The following GLI2 variants were observed in gnomAD, a reference collection of about 807,000 sequenced individuals.
GLI2 encodes the protein GLI family zinc finger 2.
GLI2 carries 22 observed loss-of-function variants against 78.9 expected under a neutral mutation model. The observed-to-expected ratio is 0.28, with a 90% CI of 0.20 to 0.40. GLI2 has a LOEUF of 0.40. GLI2 is among the 10% of genes least tolerant of loss of function. The pLI, the probability that GLI2 is intolerant of heterozygous loss-of-function variation, is 1.00. For missense variants in GLI2, 2,097 were observed against 2,213.2 expected (o/e 0.95, Z 1.05); for synonymous variants, 974 against 963.7 (o/e 1.01, Z -0.20).
intron 2 of GLI2, among the ~76,000 whole-genome samples, chr2:120,812,374 G>C (rs1368692593): frequency 6.6e-6 from 1 of 152,210 alleles, no homozygotes; most frequent in African/African-American, 2.4e-5. Context: ...GGCCCCACTT[G>C]TGGGAGCTGT....
intron 1 of GLI2, among the ~76,000 whole-genome samples, chr2:120,754,099 GGTACATTATAACCA>G (rs1259335827): frequency 4.3e-4 from 66 of 151,992 alleles, no homozygotes; most frequent in African/African-American, 1.5e-3. Flanking sequence ...CACCGTATAG[GGTACATTATAACCA>G]TTTGGTAATT....
chr2:120,826,508 A>C (rs1686068769), intron 2 of GLI2, among the ~76,000 whole-genome samples: 1 of 152,144 alleles, frequency 6.6e-6, no homozygotes, highest in South Asian at 2.1e-4. Flanking sequence ...CTCTGGAGGA[A>C]GTGGGGTCCC....
intron 1 of GLI2, among the ~76,000 whole-genome samples, chr2:120,760,358 C>T (rs1233128243): frequency 6.6e-5 from 10 of 152,102 alleles, no homozygotes; most frequent in African/African-American, 1.2e-4. Context: ...CAGGTGCCAT[C>T]GCTGTGCTTT....
chr2:120,789,935 G>A (rs1684098767), intron 1 of GLI2, among the ~76,000 whole-genome samples: 1 of 152,230 alleles, frequency 6.6e-6, no homozygotes, highest in African/African-American at 2.4e-5. Flanking sequence ...AATTACTTGA[G>A]GAGAGGAGCT....
intron 2 of GLI2, among the ~76,000 whole-genome samples, chr2:120,888,387 C>T (rs1232515931): frequency 6.6e-6 from 1 of 152,230 alleles, no homozygotes; most frequent in Non-Finnish European, 1.5e-5. Context: ...CTCATCGTCC[C>T]CGAGCATTAG....
At chr2:120,746,288 G>C (rs1211390645) in intron 1 of GLI2, among the ~76,000 whole-genome samples, 1 of 152,216 alleles carries the variant, frequency 6.6e-6, no homozygotes, top group Non-Finnish European at 1.5e-5. Context: ...TGCTTACAGT[G>C]ATTGTAGCAG....
At chr2:120,933,678 G>C (rs895466823) in intron 3 of GLI2, among the ~76,000 whole-genome samples, 1 of 152,198 alleles carries the variant, frequency 6.6e-6, no homozygotes, top group African/African-American at 2.4e-5. Flanking sequence ...CTAAGTTGGT[G>C]CTCCCCATTT....
intron 13 of GLI2, among the ~76,000 whole-genome samples, 186 bp from the exon 14 acceptor site, chr2:120,988,022 G>T (rs1419544125): frequency 3.9e-5 from 6 of 152,222 alleles, no homozygotes; most frequent in African/African-American, 1.4e-4. Context: ...GAGCCCAGGA[G>T]TTCAAGGCCA....
intron 2 of GLI2, among the ~76,000 whole-genome samples, chr2:120,844,825 T>C (rs1687036648): frequency 6.6e-6 from 1 of 152,068 alleles, no homozygotes; most frequent in African/African-American, 2.4e-5. Flanking sequence ...ATAATCCTTA[T>C]TGCTTTCTTG....
intron 1 of GLI2, among the ~76,000 whole-genome samples, chr2:120,772,909 C>A: frequency 6.6e-6 from 1 of 152,262 alleles, no homozygotes; most frequent in East Asian, 1.9e-4. Flanking sequence ...TTGGGTACCC[C>A]GCAAGGTCTC....
chr2:120,878,511 T>G (rs919514571), intron 2 of GLI2, among the ~76,000 whole-genome samples: 4 of 152,212 alleles, frequency 2.6e-5, no homozygotes, highest in African/African-American at 4.8e-5. Flanking sequence ...ATGAAGAATC[T>G]TAATGACATA....
rs537526532 is a variant in GLI2, at chr2:120,858,441, C to G, written c.148+60973C>G. ...AAATGGGCATAGATGAAGCTTGGCTCTGGGTCAGGGCCAAGCTAGTGAACA... is the reference window on the plus strand; with the variant it reads ...AAATGGGCATAGATGAAGCTTGGCTGTGGGTCAGGGCCAAGCTAGTGAACA... On this transcript the variant is annotated intron_variant, in intron 2 of 13. Coordinates refer to ENST00000361492, the MANE Select transcript of GLI2 (RefSeq NM_001374353.1). 3.3e-5 allele frequency among the ~76,000 whole-genome samples: 5 copies of G among 152,300 alleles called. No homozygotes were observed. In the East Asian group the frequency reaches 7.7e-4, roughly 23 times the overall value.
chr2:120,971,527 T>A (rs1027639044), intron 7 of GLI2, among the ~76,000 whole-genome samples: 3 of 152,232 alleles, frequency 2.0e-5, no homozygotes, highest in African/African-American at 7.2e-5. Context: ...ACTTTAGCTC[T>A]AGCCCCTTCT....
At chr2:120,789,538 T>G (rs1684090208) in intron 1 of GLI2, among the ~76,000 whole-genome samples, 1 of 152,190 alleles carries the variant, frequency 6.6e-6, no homozygotes, top group African/African-American at 2.4e-5. Flanking sequence ...CCTCCTCAGG[T>G]AGCCCGCCCT....
In GLI2 at chr2:120,834,830, GTGT is replaced by G. The variant is rs138225857; in HGVS notation, c.148+37367_148+37369del. Among the ~76,000 whole-genome samples, 1,427 of 152,144 alleles carry G rather than the reference GTGT, an allele frequency of 9.4e-3. 17 individuals carry two copies. Among genetic ancestry groups the G allele is most frequent in the African/African-American group, 0.033 (1,362 of 41,522 alleles). On this transcript the variant is annotated intron_variant, in intron 2 of 13. Coordinates refer to ENST00000361492, the MANE Select transcript of GLI2 (RefSeq NM_001374353.1). ...GGGTTATGCACAAGGCATGATCCTG[GTGT>G]TGTTCTGGTTTCAAGGCTGAGAGGT...
chr2:120,858,247 CAG>C (rs979881751), intron 2 of GLI2, among the ~76,000 whole-genome samples: 1 of 152,140 alleles, frequency 6.6e-6, no homozygotes, highest in African/African-American at 2.4e-5. Flanking sequence ...TTCCGAGTCT[CAG>C]TGTTTTTATT....
At chr2:120,740,500 T>C (rs547124427) in intron 1 of GLI2, among the ~76,000 whole-genome samples, 1 of 152,032 alleles carries the variant, frequency 6.6e-6, no homozygotes, top group East Asian at 1.9e-4. Flanking sequence ...TTTCAGCTAT[T>C]AGCATAAGAA....
chr2:120,749,682 C>G (rs1682806691), intron 1 of GLI2, among the ~76,000 whole-genome samples: 1 of 152,158 alleles, frequency 6.6e-6, no homozygotes, highest in East Asian at 1.9e-4. Flanking sequence ...TTGTTCTGTT[C>G]GTGATTACAG....
Position 120,970,483 on chromosome 2 carries a change from C to T in GLI2, c.936C>T (p.His312=). Residue 312 remains histidine (H), a synonymous_variant, in exon 7 of 14, where the codon CAC becomes CAT. Transcript: ENST00000361492. ...QQRGLGSAFG[H]TPPLIQPSPT... ...GGGGTCTGGGGTCAGCCTTTGGACACACACCACCCCTGATCCAGCCCTCAC... is the reference window on the plus strand; with the variant it reads ...GGGGTCTGGGGTCAGCCTTTGGACATACACCACCCCTGATCCAGCCCTCAC... 1.2e-6 allele frequency: 2 copies of T among 1,613,870 alleles called. No individual in the cohort carries two copies. The highest frequency in any genetic ancestry group is 1.7e-6 in the Non-Finnish European group (2 of 1,179,832).
Sources: allele counts gnomAD v4.1 joint callset (sites outside exome capture counted in the v4.1 genomes callset), GRCh38; gene constraint gnomAD v4.1.1; transcripts MANE v1.5; gene names NCBI Gene and HGNC (gene_info 2026-07-23, HGNC 2026-07-21).